The following KCNIP4 variants were observed in gnomAD, a reference collection of about 807,000 sequenced individuals.
KCNIP4 encodes the protein Kv channel-interacting protein 4.
KCNIP4 carries 12 observed loss-of-function variants against 34.0 expected under a neutral mutation model. That is an observed-to-expected ratio of 0.35 (90% confidence interval 0.23 to 0.57). The LOEUF is 0.57. Among genes scored for constraint, KCNIP4 ranks in the 20% least tolerant of loss-of-function variants. The probability of loss-of-function intolerance (pLI) is 0.83; values close to 1 mark genes in which losing one functional copy is unlikely to be tolerated. For synonymous variants in KCNIP4, 124 were observed against 102.2 expected (o/e 1.21, Z -1.29); for missense variants, 238 against 311.7 (o/e 0.76, Z 1.78).
chr4:20,968,478 A>G (rs1337060549), intron 1 of KCNIP4, among the ~76,000 whole-genome samples: 3 of 152,152 alleles, frequency 2.0e-5, no homozygotes, highest in African/African-American at 7.2e-5. Flanking sequence ...ACATGCACAC[A>G]TATGTTTATT....
intron 1 of KCNIP4, among the ~76,000 whole-genome samples, chr4:21,572,370 T>C (rs1000160342): frequency 6.6e-6 from 1 of 152,188 alleles, no homozygotes; most frequent in Non-Finnish European, 1.5e-5. Flanking sequence ...CTGTAACGTG[T>C]TCAAATTCTA....
At chr4:21,037,137 G>C (rs2149772863) in intron 1 of KCNIP4, among the ~76,000 whole-genome samples, 1 of 152,184 alleles carries the variant, frequency 6.6e-6, no homozygotes, top group East Asian at 1.9e-4. Context: ...AGAGTCAAAA[G>C]TTTAAACAAT....
intron 1 of KCNIP4, among the ~76,000 whole-genome samples, chr4:20,912,703 C>T (rs113289322): frequency 3.0e-4 from 45 of 152,138 alleles, no homozygotes; most frequent in African/African-American, 1.1e-3. Context: ...GACAAACAAC[C>T]TAATTTTAAA....
chr4:21,336,750 T>C (rs1435356507), intron 1 of KCNIP4, among the ~76,000 whole-genome samples: 1 of 152,146 alleles, frequency 6.6e-6, no homozygotes, highest in Non-Finnish European at 1.5e-5. Flanking sequence ...TCTCAGTTTC[T>C]TCATCTGTAA....
chr4:21,787,387 G>T (rs1462203870), intron 1 of KCNIP4, among the ~76,000 whole-genome samples: 1 of 152,130 alleles, frequency 6.6e-6, no homozygotes, highest in Non-Finnish European at 1.5e-5. Context: ...TCAAACTCCA[G>T]CTGAAACACC....
intron 1 of KCNIP4, among the ~76,000 whole-genome samples, chr4:21,504,269 A>G (rs1158154272): frequency 1.3e-5 from 2 of 151,928 alleles, no homozygotes; most frequent in African/African-American, 4.8e-5. Context: ...GGAGTTCGAG[A>G]CCAGCCTGGC....
chr4:21,795,786 TC>T (rs1421194358), intron 1 of KCNIP4, among the ~76,000 whole-genome samples: 1 of 152,010 alleles, frequency 6.6e-6, no homozygotes, highest in East Asian at 1.9e-4. Context: ...TAAATAAATT[TC>T]CCGGGTGTGG....
At position 20,956,286 on chromosome 4, in the gene KCNIP4, C is replaced by T. The variant is rs140727562; in HGVS notation, c.62-73577G>A. On this transcript the variant is annotated intron_variant, in intron 1 of 8. Coordinates refer to ENST00000382152, the MANE Select transcript of KCNIP4 (RefSeq NM_025221.6). ...TTGGGAGGCTGAGGTGGGTGGATCACGAGGTCAGGAGATTGAGACAATCCT... is the reference window on the plus strand; with the variant it reads ...TTGGGAGGCTGAGGTGGGTGGATCATGAGGTCAGGAGATTGAGACAATCCT... Among the ~76,000 whole-genome samples, 440 of 152,190 alleles carry T rather than the reference C, an allele frequency of 2.9e-3. 1 individual carries two copies. The highest frequency in any genetic ancestry group is 9.7e-3 in the African/African-American group (404 of 41,528).
chr4:21,547,190 C>A (rs1738217006), intron 1 of KCNIP4, among the ~76,000 whole-genome samples: 2 of 151,966 alleles, frequency 1.3e-5, no homozygotes, highest in South Asian at 4.1e-4. Context: ...ATCAGCTGAA[C>A]CAAGTCACAT....
intron 1 of KCNIP4, among the ~76,000 whole-genome samples, chr4:21,434,772 A>G (rs34635284): frequency 0.26 from 24,404 of 94,572 alleles, 2,257 homozygotes; most frequent in East Asian, 0.51. Context: ...CTGTGGGGGG[A>G]AAAAAAAAAA....
At chr4:21,220,848 AC>A (rs1406416124) in intron 1 of KCNIP4, among the ~76,000 whole-genome samples, 2 of 152,132 alleles carry the variant, frequency 1.3e-5, no homozygotes, top group Non-Finnish European at 2.9e-5. Context: ...TGTTATTGAA[AC>A]CAGTTTGATT....
chr4:21,745,603 C>T (rs1428646838), intron 1 of KCNIP4, among the ~76,000 whole-genome samples: 2 of 152,056 alleles, frequency 1.3e-5, no homozygotes, highest in Non-Finnish European at 2.9e-5. Context: ...TACAGGTCCA[C>T]ATCAAACCAC....
intron 1 of KCNIP4, among the ~76,000 whole-genome samples, chr4:20,908,576 C>A (rs903671111): frequency 1.3e-5 from 2 of 152,150 alleles, no homozygotes; most frequent in East Asian, 1.9e-4. Flanking sequence ...GAATAAAATT[C>A]ATATTGAGCA....
In KCNIP4 at chr4:21,400,550, CTTCTCTTCTCTTCT is replaced by C. The variant is rs1723451171; in HGVS notation, c.62-517855_62-517842del. Among the ~76,000 whole-genome samples the C allele has an allele frequency of 2.9e-5, 3 of 102,268 alleles. No individual in the cohort carries two copies. In the South Asian group the frequency reaches 8.4e-4, roughly 29 times the overall value. 67.1% of individuals were successfully genotyped at this position (102,268 alleles called of 152,430 possible). On this transcript the variant is annotated intron_variant, in intron 1 of 8. Coordinates refer to ENST00000382152, the MANE Select transcript of KCNIP4 (RefSeq NM_025221.6). ...CTTCTCTTCTCTTCTCTTCTCTTCTCTTCTCTTCTCTTCTCTTCTCTTCTCTTCGTTCTTTCTTT... is the reference window on the plus strand; with the variant it reads ...CTTCTCTTCTCTTCTCTTCTCTTCTCCTTCTCTTCTCTTCGTTCTTTCTTT...
chr4:20,957,442 G>A (rs901844443), intron 1 of KCNIP4, among the ~76,000 whole-genome samples: 4 of 151,804 alleles, frequency 2.6e-5, no homozygotes, highest in African/African-American at 9.7e-5. Flanking sequence ...TTGAGTAAAG[G>A]GTCCAAGACA....
At chr4:21,485,233 T>C (rs533518458) in intron 1 of KCNIP4, among the ~76,000 whole-genome samples, 1 of 152,306 alleles carries the variant, frequency 6.6e-6, no homozygotes, top group South Asian at 2.1e-4. Flanking sequence ...TAACAAGTTA[T>C]GTAATTATAC....
In KCNIP4 at chr4:20,748,232, C is replaced by T. The variant is rs144057043; in HGVS notation, c.429+1430G>A. Among the ~76,000 whole-genome samples, 47 of 152,186 alleles carry T rather than the reference C, an allele frequency of 3.1e-4. No individual in the cohort carries two copies. In the East Asian group the frequency reaches 8.0e-3, roughly 26 times the overall value. On this transcript the variant is annotated intron_variant, in intron 5 of 8. Transcript: ENST00000382152. ...TTCCCCAACCTTCGCTCTTGGCTCT[C>T]CAATTGTGTATTCTATCTTCTTGAT...
intron 1 of KCNIP4, among the ~76,000 whole-genome samples, chr4:21,514,624 C>T (rs550559147): frequency 1.4e-4 from 21 of 151,834 alleles, no homozygotes; most frequent in East Asian, 1.2e-3. Flanking sequence ...AACACAGGGT[C>T]GTTGGAGGGT....
Position 20,882,812 on chromosome 4 carries a change from G to C in KCNIP4, c.62-103C>G, listed in dbSNP as rs1279255852. Reference sequence around the variant, plus strand: ...CCAGGCAGGAAGGATCAGGGACGCAGCCATCCACTCAGGCAATCACAGGCA... The same window carrying C: ...CCAGGCAGGAAGGATCAGGGACGCACCCATCCACTCAGGCAATCACAGGCA... On this transcript the variant is annotated intron_variant, in intron 1 of 8. Transcript: ENST00000382152. The C allele has an allele frequency of 1.4e-5, 11 of 808,792 alleles. No homozygotes were observed. In the Admixed American group the frequency reaches 1.4e-4, roughly 10 times the overall value. 50.1% of individuals were successfully genotyped at this position (808,792 alleles called of 1,614,324 possible).
Sources: gnomAD v4.1 joint callset for allele counts (sites outside exome capture counted in the v4.1 genomes callset) on GRCh38, gnomAD v4.1.1 for gene constraint, MANE v1.5 for transcripts, NCBI Gene and HGNC (gene_info 2026-07-23, HGNC 2026-07-21) for gene names.